The following CAMK2B variants were observed in gnomAD, a reference collection of about 807,000 sequenced individuals.
CAMK2B encodes the protein calcium/calmodulin dependent protein kinase II beta.
A neutral mutation model predicts 93.7 loss-of-function variants in CAMK2B; 27 were observed. That is an observed-to-expected ratio of 0.29 (90% CI 0.21 to 0.40). The LOEUF (loss-of-function observed/expected upper bound fraction) is 0.40, where lower values mean the gene tolerates loss of function less well. CAMK2B is among the 10% of genes least tolerant of loss of function. The pLI is 1.00. For synonymous variants in CAMK2B, 374 were observed against 358.8 expected (o/e 1.04, Z -0.48); for missense variants, 568 against 895.8 (o/e 0.63, Z 4.67).
At position 44,242,209 on chromosome 7, in the gene CAMK2B, G is replaced by A; in HGVS notation, c.819+9C>T. 6.2e-7 allele frequency: 1 copy of A among 1,610,188 alleles called. No individual in the cohort carries two copies. The highest frequency in any genetic ancestry group is 8.5e-7 in the Non-Finnish European group (1 of 1,177,574). ...CCCCTCCCCACCATGGGCACCAAGGGCGACTCACGCAGACCCACGGGTGCT... is the reference window on the plus strand; with the variant it reads ...CCCCTCCCCACCATGGGCACCAAGGACGACTCACGCAGACCCACGGGTGCT... On this transcript the variant is annotated intron_variant, in intron 10 of 23. Coordinates refer to ENST00000395749, the MANE Select transcript of CAMK2B (RefSeq NM_001220.5).
At position 44,242,546 on chromosome 7, in the gene CAMK2B, G is replaced by A; in HGVS notation, c.696+14C>T. The A allele has an allele frequency of 3.8e-6, 6 of 1,593,754 alleles. No homozygotes were observed. The highest frequency in any genetic ancestry group is 5.1e-6 in the Non-Finnish European group (6 of 1,165,972). ...GAGGAAGGGAGCTCATCAGAGAGGG[G>A]CTGGTGCACTCACGTCATAGGCACC... On this transcript the variant is annotated intron_variant, in intron 9 of 23. Coordinates refer to ENST00000395749, the MANE Select transcript of CAMK2B (RefSeq NM_001220.5).
intron 2 of CAMK2B, among the ~76,000 whole-genome samples, chr7:44,279,336 G>C (rs1185200142): frequency 6.6e-6 from 1 of 152,194 alleles, no homozygotes; most frequent in Non-Finnish European, 1.5e-5. Context: ...AGTTAAATAG[G>C]AAAAAAATGC....
At chr7:44,306,169 A>G (rs2115693417) in intron 1 of CAMK2B, among the ~76,000 whole-genome samples, 1 of 151,248 alleles carries the variant, frequency 6.6e-6, no homozygotes, top group Middle Eastern at 3.4e-3. Flanking sequence ...TCCTGAGGAG[A>G]GGGCTCACAG....
rs10951758 is a variant in CAMK2B, at chr7:44,226,478, G to A, written c.1597+38C>T. Reference sequence around the variant, plus strand: ...AGGCTCGCACGCCCCGAGCCCCTCCGGGCAGCCGCTGCCACGGCCACTCAA... The same window carrying A: ...AGGCTCGCACGCCCCGAGCCCCTCCAGGCAGCCGCTGCCACGGCCACTCAA... On this transcript the variant is annotated intron_variant, in intron 20 of 23. Coordinates refer to ENST00000395749, the MANE Select transcript of CAMK2B (RefSeq NM_001220.5). The A allele has an allele frequency of 0.5, 675,095 of 1,361,806 alleles. 170,203 individuals carry two copies. Among genetic ancestry groups the A allele is most frequent in the Non-Finnish European group, 0.51 (535,304 of 1,052,964 alleles). The allele number at this position is 1,361,806 out of a possible 1,614,324, so 84.4% of individuals were successfully genotyped here.
chr7:44,301,149 A>C (rs1384381035), intron 1 of CAMK2B, among the ~76,000 whole-genome samples: 1 of 152,196 alleles, frequency 6.6e-6, no homozygotes, highest in Non-Finnish European at 1.5e-5. Flanking sequence ...TTTTTTAGGG[A>C]CAAGGTCTCA....
chr7:44,262,428 C>G (rs907435445), intron 3 of CAMK2B, among the ~76,000 whole-genome samples: 2 of 152,238 alleles, frequency 1.3e-5, no homozygotes, highest in Non-Finnish European at 2.9e-5. Context: ...TGACCCCAGA[C>G]TGTAGTTCCA....
At chr7:44,281,886 C>T (rs1373954744) in intron 2 of CAMK2B, among the ~76,000 whole-genome samples, 3 of 152,228 alleles carry the variant, frequency 2.0e-5, no homozygotes, top group African/African-American at 7.2e-5. Flanking sequence ...AGGACCCCCA[C>T]CTGCCTCACT....
chr7:44,284,353 T>C, intron 1 of CAMK2B, 128 bp from the exon 2 acceptor site: 1 of 681,344 alleles, frequency 1.5e-6, no homozygotes, highest in South Asian at 1.8e-5. Context: ...CTCGGGCAGA[T>C]GGCTGTGAGT....
At chr7:44,325,100 C>T (rs1396142935) in intron 1 of CAMK2B, 1 of 151,026 alleles carries the variant, frequency 6.6e-6, no homozygotes, top group Non-Finnish European at 1.5e-5. Context: ...CGCGCCAAGT[C>T]GCGAGCCCGG....
chr7:44,269,561 G>T (rs2096953682), intron 2 of CAMK2B, among the ~76,000 whole-genome samples: 1 of 152,144 alleles, frequency 6.6e-6, no homozygotes, highest in Non-Finnish European at 1.5e-5. Flanking sequence ...GGGGTGGGGG[G>T]TGGTGAGTGA....
chr7:44,272,080 C>T (rs1313888018), intron 2 of CAMK2B, among the ~76,000 whole-genome samples: 1 of 152,168 alleles, frequency 6.6e-6, no homozygotes, highest in Admixed American at 6.5e-5. Flanking sequence ...GGAGCAGCCC[C>T]CTCTTCATTT....
intron 5 of CAMK2B, among the ~76,000 whole-genome samples, chr7:44,249,643 A>G (rs1011046788): frequency 6.6e-6 from 1 of 152,118 alleles, no homozygotes; most frequent in Non-Finnish European, 1.5e-5. Context: ...AGGTGGAGTG[A>G]TATGTGCAGA....
chr7:44,242,733 G>T (rs2096692798), intron 8 of CAMK2B, 79 bp from the exon 9 acceptor site: 2 of 986,976 alleles, frequency 2.0e-6, no homozygotes, highest in Non-Finnish European at 1.6e-6. Flanking sequence ...CACCCTCACT[G>T]CCTAGCTCCT....
chr7:44,300,020 CTGTGTGTGTGTGTG>C (rs143590426), intron 1 of CAMK2B, among the ~76,000 whole-genome samples: 6 of 141,630 alleles, frequency 4.2e-5, no homozygotes, highest in Non-Finnish European at 6.1e-5. Flanking sequence ...GTGTATGTGT[CTGTGTGTGTGTGTG>C]TGTGTGTGTG....
intron 6 of CAMK2B, 135 bp from the exon 7 acceptor site, chr7:44,243,662 A>G: frequency 1.5e-6 from 1 of 683,684 alleles, no homozygotes; most frequent in Non-Finnish European, 2.6e-6. Context: ...GCCCTGCCCC[A>G]TGGTGTCTGC....
chr7:44,285,297 T>C (rs1784745454), intron 1 of CAMK2B, among the ~76,000 whole-genome samples: 1 of 152,106 alleles, frequency 6.6e-6, no homozygotes, highest in South Asian at 2.1e-4. Context: ...AGGGTCTGAG[T>C]CCAGACAAAA....
chr7:44,287,169 G>A (rs1401880881), intron 1 of CAMK2B, among the ~76,000 whole-genome samples: 1 of 152,034 alleles, frequency 6.6e-6, no homozygotes, highest in Admixed American at 6.6e-5. Flanking sequence ...CCTGCGCCCC[G>A]CTCCTGGGCT....
chr7:44,319,177 AAG>A (rs897976909), intron 1 of CAMK2B, among the ~76,000 whole-genome samples: 4 of 152,108 alleles, frequency 2.6e-5, no homozygotes, highest in Admixed American at 2.6e-4. Context: ...TTTGTGGGGG[AAG>A]AGAGAGAGAA....
chr7:44,298,456 A>G (rs1788918154), intron 1 of CAMK2B, among the ~76,000 whole-genome samples: 1 of 152,260 alleles, frequency 6.6e-6, no homozygotes, highest in Non-Finnish European at 1.5e-5. Context: ...ACATAGGTGG[A>G]AATCTTCATA....
Sources: allele counts gnomAD v4.1 joint callset (sites outside exome capture counted in the v4.1 genomes callset), GRCh38; gene constraint gnomAD v4.1.1; transcripts MANE v1.5; gene names NCBI Gene and HGNC (gene_info 2026-07-23, HGNC 2026-07-21).